The following ATP9A variants were observed in gnomAD, a reference collection of about 807,000 sequenced individuals.
ATP9A encodes the protein probable phospholipid-transporting ATPase IIA.
A neutral mutation model predicts 144.1 loss-of-function variants in ATP9A; 52 were observed. The ratio of observed to expected loss-of-function variants is 0.36; its 90% CI spans 0.29 to 0.45. The LOEUF is 0.45. Ranked by LOEUF, ATP9A falls within the 20% of genes least tolerant of loss-of-function variation. The pLI, the probability that ATP9A is intolerant of heterozygous loss-of-function variation, is 1.00. For synonymous variants in ATP9A, 582 were observed against 557.4 expected (o/e 1.04, Z -0.62); for missense variants, 947 against 1,392.7 (o/e 0.68, Z 5.09).
chr20:51,767,005 A>T (rs1474460094), intron 1 of ATP9A, among the ~76,000 whole-genome samples: 1 of 151,676 alleles, frequency 6.6e-6, no homozygotes, highest in Non-Finnish European at 1.5e-5. Flanking sequence ...AATATCAGTG[A>T]GGCCTCTTCT....
intron 21 of ATP9A, among the ~76,000 whole-genome samples, chr20:51,617,815 TACC>T (rs2122719409): frequency 6.6e-6 from 1 of 152,314 alleles, no homozygotes; most frequent in South Asian, 2.1e-4. Context: ...CATAGGCATT[TACC>T]ACCACCTGTC....
intron 1 of ATP9A, among the ~76,000 whole-genome samples, chr20:51,742,304 G>T (rs1479260336): frequency 2.1e-5 from 3 of 143,438 alleles, no homozygotes; most frequent in Non-Finnish European, 4.5e-5. Flanking sequence ...CAGTCTAGGG[G>T]ACAGAGCAAA....
Position 51,600,049 on chromosome 20 carries a change from T to C in ATP9A, c.*1162A>G, listed in dbSNP as rs1384962836. ...GAGAAATCTTCACCACTGGCTGCCTTTCAGCAAGTTCCCCTTGAAATCTGC... is the reference window on the plus strand; with the variant it reads ...GAGAAATCTTCACCACTGGCTGCCTCTCAGCAAGTTCCCCTTGAAATCTGC... On this transcript the variant is annotated 3_prime_UTR_variant, in exon 28 of 28. Transcript: ENST00000338821. 5 of 152,290 alleles carry C rather than the reference T, an allele frequency of 3.3e-5. No homozygotes were observed. In the South Asian group the frequency reaches 1.0e-3, roughly 32 times the overall value. The allele number at this position is 152,290 out of a possible 1,614,324, so 9.4% of individuals were successfully genotyped here. A position where few individuals can be genotyped will look rare whatever the true frequency, so the allele number is the denominator to read the frequency against.
intron 4 of ATP9A, among the ~76,000 whole-genome samples, chr20:51,706,437 T>C (rs566366302): frequency 3.9e-5 from 6 of 152,210 alleles, no homozygotes; most frequent in Non-Finnish European, 7.3e-5. Flanking sequence ...TCCACACCCA[T>C]AAAAGCTACC....
chr20:51,682,959 G>C (rs897671776), intron 9 of ATP9A, among the ~76,000 whole-genome samples: 3 of 150,674 alleles, frequency 2.0e-5, no homozygotes, highest in Non-Finnish European at 3.0e-5. Context: ...GGGTGTGGTG[G>C]TGCATGCCTG....
At chr20:51,663,803 A>AAC (rs2077421502) in intron 13 of ATP9A, among the ~76,000 whole-genome samples, 1 of 151,796 alleles carries the variant, frequency 6.6e-6, no homozygotes, top group African/African-American at 2.4e-5. Context: ...CAGAAAAAAA[A>AAC]AAAAAAAAAC....
chr20:51,734,153 AATT>A (rs1280280901), intron 1 of ATP9A, among the ~76,000 whole-genome samples: 4 of 140,662 alleles, frequency 2.8e-5, no homozygotes, highest in Non-Finnish European at 6.4e-5. Flanking sequence ...TAATTTTTGT[AATT>A]TTTTTTTTGT....
chr20:51,727,119 C>A (rs2077717868), intron 2 of ATP9A, among the ~76,000 whole-genome samples: 1 of 151,174 alleles, frequency 6.6e-6, no homozygotes, highest in Non-Finnish European at 1.5e-5. Context: ...AGGTGAAACC[C>A]CGTCTCTACA....
chr20:51,627,304 G>A (rs558281090), intron 17 of ATP9A, among the ~76,000 whole-genome samples: 146 of 152,278 alleles, frequency 9.6e-4, no homozygotes, highest in Non-Finnish European at 1.8e-3. Context: ...AAGTGAAATG[G>A]TATGATGGAT....
At chr20:51,652,772 T>A (rs775392066) in intron 14 of ATP9A, among the ~76,000 whole-genome samples, 7 of 151,850 alleles carry the variant, frequency 4.6e-5, no homozygotes, top group Non-Finnish European at 1.0e-4. Context: ...ACTATAGACA[T>A]AAAATAACTG....
At chr20:51,731,582 G>A (rs1462859955) in intron 1 of ATP9A, among the ~76,000 whole-genome samples, 1 of 151,928 alleles carries the variant, frequency 6.6e-6, no homozygotes, top group Non-Finnish European at 1.5e-5. Context: ...AGCTGGGTGT[G>A]GTGGCAGACG....
At chr20:51,674,027 G>C (rs2077466987) in intron 11 of ATP9A, 126 bp downstream of exon 11, 2 of 1,213,458 alleles carry the variant, frequency 1.6e-6, no homozygotes, top group South Asian at 3.3e-5. Flanking sequence ...TCCAGCCTGG[G>C]CAACAAGAGC....
intron 14 of ATP9A, among the ~76,000 whole-genome samples, chr20:51,650,638 A>G (rs998279754): frequency 6.6e-6 from 1 of 152,214 alleles, no homozygotes; most frequent in Non-Finnish European, 1.5e-5. Flanking sequence ...TCAGATATTA[A>G]TAACAGCGGG....
intron 1 of ATP9A, among the ~76,000 whole-genome samples, chr20:51,758,490 A>G (rs772420979): frequency 6.6e-6 from 1 of 152,190 alleles, no homozygotes; most frequent in Non-Finnish European, 1.5e-5. Flanking sequence ...ACAAAAGTCC[A>G]AAGATGGCCG....
chr20:51,651,004 A>G (rs2077361951), intron 14 of ATP9A, among the ~76,000 whole-genome samples: 1 of 150,618 alleles, frequency 6.6e-6, no homozygotes, highest in Non-Finnish European at 1.5e-5. Flanking sequence ...TTTTTGAGAC[A>G]GTCTCGCTCT....
intron 3 of ATP9A, among the ~76,000 whole-genome samples, chr20:51,723,015 C>T (rs1264317635): frequency 2.0e-5 from 3 of 152,080 alleles, no homozygotes; most frequent in Non-Finnish European, 4.4e-5. Context: ...GCCCATCAAT[C>T]GACGAGTGGA....
intron 15 of ATP9A, among the ~76,000 whole-genome samples, chr20:51,639,142 G>A (rs1459210939): frequency 3.3e-5 from 5 of 152,148 alleles, no homozygotes; most frequent in Non-Finnish European, 5.9e-5. Context: ...CAGAACCAGG[G>A]ACACCATAAG....
intron 9 of ATP9A, among the ~76,000 whole-genome samples, chr20:51,685,330 G>T (rs1411999342): frequency 1.3e-5 from 2 of 152,112 alleles, no homozygotes; most frequent in African/African-American, 2.4e-5. Flanking sequence ...AGAGACTGAG[G>T]CGGGTGGATC....
intron 27 of ATP9A, among the ~76,000 whole-genome samples, chr20:51,604,171 G>A (rs915309324): frequency 3.8e-5 from 5 of 131,486 alleles, no homozygotes; most frequent in Non-Finnish European, 7.0e-5. Context: ...TGATATTCCT[G>A]TGCTCACACT....
Sources: gnomAD v4.1 joint callset for allele counts (sites outside exome capture counted in the v4.1 genomes callset) on GRCh38, gnomAD v4.1.1 for gene constraint, MANE v1.5 for transcripts, NCBI Gene and HGNC (gene_info 2026-07-23, HGNC 2026-07-21) for gene names.